Variants in E2F3 observed in about 807,000 individuals in gnomAD.
The protein encoded by E2F3 is transcription factor E2F3.
In E2F3, 11 loss-of-function variants were observed where a neutral mutation model predicts 44.4. The observed-to-expected ratio is 0.25, with a 90% CI of 0.16 to 0.41. E2F3 has a LOEUF of 0.41. Among genes scored for constraint, E2F3 ranks in the 10% least tolerant of loss-of-function variants. E2F3 has a pLI of 1.00. For missense variants in E2F3, 487 were observed against 583.6 expected (o/e 0.83, Z 1.70); for synonymous variants, 249 against 253.0 (o/e 0.98, Z 0.15).
intron 1 of E2F3, among the ~76,000 whole-genome samples, chr6:20,447,995 C>T (rs115005834): frequency 5.8e-4 from 88 of 152,326 alleles, no homozygotes; most frequent in Non-Finnish European, 1.1e-3. Flanking sequence ...TCCATCACAT[C>T]GTCCTTAAAC....
chr6:20,491,143 T>C lies in E2F3; in HGVS notation c.*713T>C, dbSNP rs564632005. 2.2e-5 allele frequency: 5 copies of C among 232,274 alleles called. No homozygotes were observed. In the South Asian group the frequency reaches 9.1e-4, roughly 42 times the overall value. The allele number at this position is 232,274 out of a possible 1,614,324, so 14.4% of individuals were successfully genotyped here. Reference sequence around the variant, plus strand: ...GCTGTTGTGGATTTTCCTGTCTCCATGAACCACTCCCATTCCCCCGTCCCC... The same window carrying C: ...GCTGTTGTGGATTTTCCTGTCTCCACGAACCACTCCCATTCCCCCGTCCCC... On this transcript the variant is annotated 3_prime_UTR_variant, in exon 7 of 7. Transcript: ENST00000346618.
intron 1 of E2F3, among the ~76,000 whole-genome samples, chr6:20,410,180 C>T (rs1176410078): frequency 1.3e-5 from 2 of 152,172 alleles, no homozygotes; most frequent in Non-Finnish European, 2.9e-5. Flanking sequence ...ATTTCTGATA[C>T]ATAACCAGAG....
chr6:20,460,731 C>T (rs897700217), intron 1 of E2F3, among the ~76,000 whole-genome samples: 1 of 152,098 alleles, frequency 6.6e-6, no homozygotes, highest in African/African-American at 2.4e-5. Context: ...CATGGTGGCT[C>T]ACGCCCGTAA....
chr6:20,434,213 A>C (rs1760500078), intron 1 of E2F3, among the ~76,000 whole-genome samples: 1 of 152,208 alleles, frequency 6.6e-6, no homozygotes, highest in African/African-American at 2.4e-5. Flanking sequence ...TTGTGGCAAG[A>C]ATTTATTAAA....
chr6:20,471,348 C>A (rs7745741), intron 1 of E2F3, among the ~76,000 whole-genome samples: 2,722 of 152,166 alleles, frequency 0.018, 71 homozygotes, highest in African/African-American at 0.061. Context: ...TTTGGGAGGC[C>A]GAAGCGGGTG....
intron 1 of E2F3, among the ~76,000 whole-genome samples, chr6:20,478,522 C>A (rs1252950330): frequency 6.6e-6 from 1 of 152,120 alleles, no homozygotes; most frequent in African/African-American, 2.4e-5. Flanking sequence ...GAAATTGCAA[C>A]TCTCGGCTGG....
At chr6:20,405,916 T>C (rs76634524) in intron 1 of E2F3, among the ~76,000 whole-genome samples, 1,750 of 152,310 alleles carry the variant, frequency 0.011, 29 homozygotes, top group African/African-American at 0.039. Flanking sequence ...TGATTTATTG[T>C]TTTTCTTATC....
Position 20,402,286 on chromosome 6 carries a change from T to G in E2F3, c.54T>G (p.Gly18=), listed in dbSNP as rs2127581176. 6.2e-7 allele frequency: 1 copy of G among 1,606,980 alleles called. No homozygotes were observed. Among genetic ancestry groups the G allele is most frequent in the Non-Finnish European group, 8.5e-7 (1 of 1,178,286 alleles). Residue 18 remains glycine, a synonymous_variant, in exon 1 of 7, where the codon GGT becomes GGG. Coordinates refer to ENST00000346618, the MANE Select transcript of E2F3 (RefSeq NM_001949.5). The surrounding 1 kb of genome is among the most constrained non-coding windows in gnomAD (Gnocchi z 5.6). ...AGCAGTACCTGGTGACCGCCGGGGG[T>G]GGGGAGGGGGCGGCTGTCGTCGCCG... The part of the protein sequence containing the change: ...ALEQYLVTAG[G]GEGAAVVAAA...
chr6:20,468,626 C>T (rs1761792131), intron 1 of E2F3, among the ~76,000 whole-genome samples: 1 of 152,174 alleles, frequency 6.6e-6, no homozygotes, highest in Admixed American at 6.5e-5. Context: ...TAACCTTCAG[C>T]CCCTCTCCTC....
chr6:20,416,599 C>A (rs1477388384), intron 1 of E2F3, among the ~76,000 whole-genome samples: 2 of 152,122 alleles, frequency 1.3e-5, no homozygotes, highest in Non-Finnish European at 2.9e-5. Flanking sequence ...GTACTCCAGA[C>A]CCACTGTCAG....
intron 1 of E2F3, among the ~76,000 whole-genome samples, chr6:20,411,939 C>T (rs560239403): frequency 2.0e-5 from 3 of 152,168 alleles, no homozygotes; most frequent in Non-Finnish European, 4.4e-5. Context: ...CTGCAGTGCC[C>T]ACTACACTAT....
intron 1 of E2F3, among the ~76,000 whole-genome samples, chr6:20,465,584 C>A (rs1319838060): frequency 6.6e-6 from 1 of 152,108 alleles, no homozygotes; most frequent in Admixed American, 6.5e-5. Context: ...GTACACTGCA[C>A]CCAATTTGTA....
intron 1 of E2F3, among the ~76,000 whole-genome samples, chr6:20,475,636 G>A (rs1762020468): frequency 6.6e-6 from 1 of 152,246 alleles, no homozygotes; most frequent in South Asian, 2.1e-4. Flanking sequence ...CAAGTAACTG[G>A]AACTACAGGT....
intron 1 of E2F3, chr6:20,403,573 G>A (rs1274364808): frequency 1.3e-5 from 6 of 448,310 alleles, no homozygotes; most frequent in Admixed American, 9.0e-5. Flanking sequence ...GGGAGGAGGC[G>A]GCGGCGGGAG....
At position 20,481,432 on chromosome 6, in the gene E2F3, A is replaced by G; in HGVS notation, c.725+7A>G. The G allele has an allele frequency of 1.9e-6, 3 of 1,613,724 alleles. No individual in the cohort carries two copies. The highest frequency in any genetic ancestry group is 2.5e-6 in the Non-Finnish European group (3 of 1,179,798). ...AAAACAACGTCCAATGGATGTGAGTAGGAGTCCTCCCCATGCCCCGGCTCT... is the reference window on the plus strand; with the variant it reads ...AAAACAACGTCCAATGGATGTGAGTGGGAGTCCTCCCCATGCCCCGGCTCT... On this transcript the variant is annotated splice_region_variant and intron_variant, in intron 3 of 6. Coordinates refer to ENST00000346618, the MANE Select transcript of E2F3 (RefSeq NM_001949.5).
intron 1 of E2F3, among the ~76,000 whole-genome samples, chr6:20,405,801 G>A (rs1048079415): frequency 6.6e-6 from 1 of 151,990 alleles, no homozygotes; most frequent in Non-Finnish European, 1.5e-5. Context: ...CTAGCCTGGC[G>A]GCAGAGCGAG....
intron 1 of E2F3, among the ~76,000 whole-genome samples, chr6:20,446,197 C>T (rs1344040028): frequency 1.3e-5 from 2 of 152,086 alleles, no homozygotes; most frequent in Non-Finnish European, 2.9e-5. Context: ...TATTCAAGGA[C>T]CTGCTGTAGT....
At chr6:20,470,429 T>C (rs1385688458) in intron 1 of E2F3, among the ~76,000 whole-genome samples, 1 of 152,296 alleles carries the variant, frequency 6.6e-6, no homozygotes, top group South Asian at 2.1e-4. Flanking sequence ...AGTTAATACA[T>C]AGTTACAGCT....
chr6:20,476,511 TTC>T (rs1212909732), intron 1 of E2F3, among the ~76,000 whole-genome samples: 2 of 152,234 alleles, frequency 1.3e-5, no homozygotes, highest in Admixed American at 6.5e-5. Flanking sequence ...CTCTCTCTCC[TTC>T]TCTCCACTCT....
Sources: gnomAD v4.1 joint callset for allele counts (sites outside exome capture counted in the v4.1 genomes callset) on GRCh38, gnomAD v4.1.1 for gene constraint, Gnocchi (gnomAD v3.1) non-coding constraint, MANE v1.5 for transcripts, NCBI Gene and HGNC (gene_info 2026-07-23, HGNC 2026-07-21) for gene names.